The following FER1L6 variants were observed in gnomAD, a reference collection of about 807,000 sequenced individuals.
FER1L6 encodes the protein fer-1 like family member 6.
In FER1L6, 177 loss-of-function variants were observed where a neutral mutation model predicts 219.2. That is an observed-to-expected ratio of 0.81 (90% CI 0.71 to 0.91). The LOEUF is 0.91. FER1L6 is among the 40% of genes least tolerant of loss of function. The probability of loss-of-function intolerance (pLI) is 0.00; values close to 1 mark genes in which losing one functional copy is unlikely to be tolerated. For missense variants in FER1L6, 2,153 were observed against 2,259.9 expected (o/e 0.95, Z 0.96); for synonymous variants, 768 against 824.3 (o/e 0.93, Z 1.17).
intron 2 of FER1L6, among the ~76,000 whole-genome samples, chr8:123,962,517 A>G (rs1325943829): frequency 2.0e-5 from 3 of 152,094 alleles, no homozygotes; most frequent in Admixed American, 2.0e-4. Flanking sequence ...TATGATCTCT[A>G]TTTTAATGCT....
At chr8:123,899,939 A>G (rs1008178286) in intron 1 of FER1L6, among the ~76,000 whole-genome samples, 6 of 152,214 alleles carry the variant, frequency 3.9e-5, no homozygotes, top group African/African-American at 1.4e-4. Context: ...TGATGCCTCC[A>G]GATTTGTTCT....
rs1819911310 is a variant in FER1L6 at position 124,049,673 on chromosome 8, G to A, written c.2791G>A (p.Glu931Lys). Residue 931 changes from glutamate to lysine, a missense_variant, in exon 22 of 41, where the codon GAG (glutamate) becomes AAG (lysine). Glu to Lys is a moderately conservative substitution (Grantham distance 56). Coordinates refer to ENST00000522917, the MANE Select transcript of FER1L6 (RefSeq NM_001039112.2). Reference sequence around the variant, plus strand: ...TGTGAAGCTGGCTGACCAGGACTATGAGCCCCCCAGGTTATGCTATCACCC... The same window carrying A: ...TGTGAAGCTGGCTGACCAGGACTATAAGCCCCCCAGGTTATGCTATCACCC... ...PVVKLADQDY[E>K]PPRLCYHPIF... 6 of 1,614,032 alleles carry A rather than the reference G, an allele frequency of 3.7e-6. No homozygotes were observed. Among genetic ancestry groups the A allele is most frequent in the Non-Finnish European group, 5.1e-6 (6 of 1,179,992 alleles).
intron 12 of FER1L6, among the ~76,000 whole-genome samples, chr8:123,991,605 G>T (rs1433556216): frequency 6.6e-6 from 1 of 152,012 alleles, no homozygotes; most frequent in Admixed American, 6.5e-5. Flanking sequence ...AGTCTTTAGG[G>T]TTTTCTAGGT....
Position 124,103,661 on chromosome 8 carries a change from C to T in FER1L6, c.5289+352C>T, listed in dbSNP as rs117028984. Among the ~76,000 whole-genome samples the T allele has an allele frequency of 9.7e-4, 147 of 152,274 alleles. 2 individuals carry two copies. The East Asian group carries it at 0.017, about 17-fold the overall frequency. On this transcript the variant is annotated intron_variant, in intron 39 of 40. Transcript: ENST00000522917. The stretch of plus-strand genomic sequence containing the variant: ...AGACATGATTTAAAAAGTGATCCAT[C>T]CTTTTAAAAGAAGGTGACAGCAGGA...
chr8:124,094,831 T>G, intron 34 of FER1L6, 65 bp from the exon 35 acceptor site: 2 of 1,550,962 alleles, frequency 1.3e-6, no homozygotes, highest in Non-Finnish European at 1.8e-6. Flanking sequence ...AAAATGCATG[T>G]GGCAGCCCAT....
chr8:123,884,469 A>T (rs1817164470), intron 1 of FER1L6, among the ~76,000 whole-genome samples: 1 of 152,180 alleles, frequency 6.6e-6, no homozygotes, highest in South Asian at 2.1e-4. Context: ...GAGGAAAGAG[A>T]AAGGCAGAGG....
intron 39 of FER1L6, among the ~76,000 whole-genome samples, chr8:124,118,366 A>G (rs1163736423): frequency 6.6e-6 from 1 of 152,206 alleles, no homozygotes; most frequent in African/African-American, 2.4e-5. Context: ...TAACCCTACA[A>G]TAACTAGTGG....
chr8:124,105,325 A>G (rs1325351790), intron 39 of FER1L6, among the ~76,000 whole-genome samples: 1 of 152,120 alleles, frequency 6.6e-6, no homozygotes, highest in African/African-American at 2.4e-5. Flanking sequence ...GTGCTGGTGA[A>G]GTGGGGAGGA....
At chr8:123,982,711 T>G (rs1816376273) in intron 11 of FER1L6, among the ~76,000 whole-genome samples, 1 of 152,238 alleles carries the variant, frequency 6.6e-6, no homozygotes, top group Non-Finnish European at 1.5e-5. Flanking sequence ...TCATGAAGTT[T>G]CCATCAAGGC....
At chr8:124,025,264 G>C (rs992838335) in intron 18 of FER1L6, among the ~76,000 whole-genome samples, 1 of 151,698 alleles carries the variant, frequency 6.6e-6, no homozygotes, top group Non-Finnish European at 1.5e-5. Context: ...TTCTTTGCCA[G>C]AAGAGTTTTT....
At chr8:124,034,096 T>C (rs1439340569) in intron 18 of FER1L6, among the ~76,000 whole-genome samples, 1 of 151,506 alleles carries the variant, frequency 6.6e-6, no homozygotes, top group Admixed American at 6.6e-5. Flanking sequence ...TCAGAGCAAG[T>C]TGTGGCCTTT....
chr8:123,870,937 G>A (rs78679538), intron 1 of FER1L6, among the ~76,000 whole-genome samples: 3,704 of 152,248 alleles, frequency 0.024, 140 homozygotes, highest in African/African-American at 0.084. Flanking sequence ...AAAGGCAAAA[G>A]TATGTAAACA....
intron 32 of FER1L6, among the ~76,000 whole-genome samples, chr8:124,079,548 G>A (rs1821444663): frequency 1.3e-5 from 2 of 152,230 alleles, no homozygotes; most frequent in South Asian, 2.1e-4. Context: ...GAAACTGACC[G>A]TCACCCTGTG....
chr8:124,035,273 C>T lies in FER1L6; in HGVS notation c.2287-4C>T. 1 of 1,612,280 alleles carries T rather than the reference C, an allele frequency of 6.2e-7. No homozygotes were observed. Among genetic ancestry groups the T allele is most frequent in the Non-Finnish European group, 8.5e-7 (1 of 1,179,210 alleles). Reference sequence around the variant, plus strand: ...AGTCAGTCTTTTTTGTAACCTTTCTCCAGCCTCCTGGGAAACGACCGGCTG... The same window carrying T: ...AGTCAGTCTTTTTTGTAACCTTTCTTCAGCCTCCTGGGAAACGACCGGCTG... On this transcript the variant is annotated splice_polypyrimidine_tract_variant and splice_region_variant and intron_variant, in intron 18 of 40. Coordinates refer to ENST00000522917, the MANE Select transcript of FER1L6 (RefSeq NM_001039112.2).
intron 1 of FER1L6, among the ~76,000 whole-genome samples, chr8:123,925,325 T>TA: frequency 6.6e-6 from 1 of 152,328 alleles, no homozygotes; most frequent in Non-Finnish European, 1.5e-5. Context: ...GATGGTTTGC[T>TA]GAATTATCCA....
intron 1 of FER1L6, among the ~76,000 whole-genome samples, chr8:123,888,675 C>G (rs1665065784): frequency 6.6e-6 from 1 of 152,152 alleles, no homozygotes; most frequent in Non-Finnish European, 1.5e-5. Flanking sequence ...GTTTGATTCA[C>G]AGCCTTCCCT....
chr8:123,990,555 G>A (rs1410913724), intron 12 of FER1L6, among the ~76,000 whole-genome samples: 1 of 151,962 alleles, frequency 6.6e-6, no homozygotes, highest in Admixed American at 6.6e-5. Flanking sequence ...TATGTCATTT[G>A]CCAACTTTTT....
At chr8:124,039,052 A>C (rs1343586322) in intron 19 of FER1L6, among the ~76,000 whole-genome samples, 1 of 152,178 alleles carries the variant, frequency 6.6e-6, no homozygotes, top group Non-Finnish European at 1.5e-5. Context: ...TTCCCCACTG[A>C]ACCCTGAGCT....
intron 27 of FER1L6, among the ~76,000 whole-genome samples, chr8:124,067,040 T>C (rs1416872365): frequency 6.6e-6 from 1 of 152,168 alleles, no homozygotes; most frequent in African/African-American, 2.4e-5. Flanking sequence ...CAGGGCCTCA[T>C]GTCCATGGAA....
Sources: allele counts gnomAD v4.1 joint callset (sites outside exome capture counted in the v4.1 genomes callset), GRCh38; gene constraint gnomAD v4.1.1; transcripts MANE v1.5; gene names NCBI Gene and HGNC (gene_info 2026-07-23, HGNC 2026-07-21).